The following MYBPC1 variants were observed in gnomAD, a reference collection of about 807,000 sequenced individuals.
MYBPC1 encodes myosin-binding protein C, slow-type.
In MYBPC1, 52 loss-of-function variants were observed where a neutral mutation model predicts 147.1. The observed-to-expected ratio is 0.35, with a 90% CI of 0.28 to 0.45. The LOEUF (loss-of-function observed/expected upper bound fraction) is 0.45, where lower values mean the gene tolerates loss of function less well. MYBPC1 is among the 20% of genes least tolerant of loss of function. The pLI, the probability that MYBPC1 is intolerant of heterozygous loss-of-function variation, is 1.00. For synonymous variants in MYBPC1, 477 were observed against 475.9 expected, an observed-to-expected ratio of 1.00 and a Z score of -0.03; for missense variants, 1,228 against 1,440.3, an observed-to-expected ratio of 0.85 and a Z score of 2.39.
intron 3 of MYBPC1, among the ~76,000 whole-genome samples, chr12:101,621,651 G>T (rs1565908216): frequency 6.6e-6 from 1 of 151,924 alleles, no homozygotes; most frequent in Admixed American, 6.6e-5. Context: ...ATAAGCTTTT[G>T]GTCTTTATTA....
Position 101,664,855 on chromosome 12 carries a change from A to G in MYBPC1, c.2356+1295A>G, listed in dbSNP as rs187550192. 2.8e-3 allele frequency among the ~76,000 whole-genome samples: 427 copies of G among 152,300 alleles called. 1 individual carries two copies. The highest frequency in any genetic ancestry group is 6.8e-3 in the Middle Eastern group (2 of 294). On this transcript the variant is annotated intron_variant, in intron 22 of 31. Transcript: ENST00000361466. Reference sequence around the variant, plus strand: ...GGAAGGGGATAGTGTCACTAATGCAACAAGTAAATTCTTGAGCACTTCAGT... The same window carrying G: ...GGAAGGGGATAGTGTCACTAATGCAGCAAGTAAATTCTTGAGCACTTCAGT...
chr12:101,671,682 C>T (rs1168103929), intron 24 of MYBPC1, among the ~76,000 whole-genome samples: 2 of 152,174 alleles, frequency 1.3e-5, no homozygotes, highest in African/African-American at 4.8e-5. Flanking sequence ...GCTGAGTCAG[C>T]CCTCAAGCCT....
chr12:101,666,495 T>G, intron 22 of MYBPC1: 1 of 463,350 alleles, frequency 2.2e-6, no homozygotes, highest in Non-Finnish European at 4.0e-6. Context: ...CTCTTCTCTA[T>G]TCTTTTCTTT....
At chr12:101,611,786 TA>T (rs1257909778) in intron 1 of MYBPC1, among the ~76,000 whole-genome samples, 1 of 152,150 alleles carries the variant, frequency 6.6e-6, no homozygotes, top group African/African-American at 2.4e-5. Context: ...CAGAATAGAA[TA>T]ATCAGCTCTG....
chr12:101,644,457 T>C (rs1032256201), intron 11 of MYBPC1, among the ~76,000 whole-genome samples: 2 of 152,232 alleles, frequency 1.3e-5, no homozygotes, highest in Non-Finnish European at 2.9e-5. Flanking sequence ...TAGAAACATG[T>C]GGATTCTCTT....
chr12:101,650,269 G>C (rs1050653360), intron 15 of MYBPC1, among the ~76,000 whole-genome samples: 4 of 152,188 alleles, frequency 2.6e-5, no homozygotes, highest in Non-Finnish European at 5.9e-5. Context: ...GTTTGTAGGG[G>C]AAATGGGATT....
chr12:101,675,227 A>T, intron 25 of MYBPC1, 65 bp from the exon 26 acceptor site: 1 of 1,599,816 alleles, frequency 6.3e-7, no homozygotes, highest in Non-Finnish European at 8.6e-7. Context: ...AAATATCCTC[A>T]TGAAACAAAA....
Position 101,634,558 on chromosome 12 carries a change from T to C in MYBPC1, c.561T>C (p.Ser187=). ...TTGTTTTCTTTCCTTTCAAAGAATC[T>C]ACTGGGACTACTCCAAACATTGACA... is the stretch of plus-strand genomic sequence containing the variant. ...SCSFDLEVHE[S]TGTTPNIDIR... The change falls in exon 9 of 32, where the codon TCT becomes TCC. Residue 187 remains serine (S), a synonymous_variant. Coordinates refer to ENST00000361466, the MANE Select transcript of MYBPC1 (RefSeq NM_002465.4). The C allele has an allele frequency of 3.7e-6, 6 of 1,612,546 alleles. No homozygotes were observed. The highest frequency in any genetic ancestry group is 5.1e-6 in the Non-Finnish European group (6 of 1,178,604).
intron 15 of MYBPC1, chr12:101,650,982 AT>A: frequency 4.1e-6 from 2 of 484,506 alleles, no homozygotes; most frequent in Non-Finnish European, 7.5e-6. Flanking sequence ...GAGTCTGCAG[AT>A]TTTGTGCATT....
Position 101,651,927 on chromosome 12 carries a change from C to T in MYBPC1, c.1526+534C>T, listed in dbSNP as rs973346651. Among the ~76,000 whole-genome samples, 5 of 152,184 alleles carry T rather than the reference C, an allele frequency of 3.3e-5. No homozygotes were observed. In the East Asian group the frequency reaches 5.8e-4, roughly 18 times the overall value. ...TCAGCCTGGGAAACAGAATGAGAGA[C>T]CTTGTCTCTAAAATAAATAATAAAC... On this transcript the variant is annotated intron_variant, in intron 16 of 31. Transcript: ENST00000361466.
intron 22 of MYBPC1, among the ~76,000 whole-genome samples, chr12:101,667,387 G>A (rs1408837632): frequency 6.6e-6 from 1 of 152,120 alleles, no homozygotes; most frequent in Admixed American, 6.6e-5. Context: ...TATCATGATT[G>A]CATGAATCAT....
At chr12:101,623,366 C>A (rs981824643) in intron 3 of MYBPC1, among the ~76,000 whole-genome samples, 5 of 152,108 alleles carry the variant, frequency 3.3e-5, no homozygotes, top group African/African-American at 1.2e-4. Flanking sequence ...ACCCAGACTG[C>A]CATCATTACA....
chr12:101,681,453 A>G (rs1007642183), intron 29 of MYBPC1, among the ~76,000 whole-genome samples: 3 of 149,536 alleles, frequency 2.0e-5, no homozygotes, highest in African/African-American at 4.9e-5. Flanking sequence ...TATTTTAGAA[A>G]ATCATAGTAA....
chr12:101,673,721 T>G, intron 25 of MYBPC1, 99 bp downstream of exon 25: 1 of 1,323,286 alleles, frequency 7.6e-7, no homozygotes, highest in Non-Finnish European at 1.1e-6. Context: ...TTAGGCTGGC[T>G]CTACATAAAA....
intron 6 of MYBPC1, 141 bp from the exon 7 acceptor site, chr12:101,631,430 C>A: frequency 1.0e-6 from 1 of 978,996 alleles, no homozygotes; most frequent in East Asian, 2.5e-5. Flanking sequence ...ATAAAAAAAT[C>A]AGGACGAATT....
At chr12:101,683,161 G>A (rs1222198890) in intron 30 of MYBPC1, among the ~76,000 whole-genome samples, 2 of 152,094 alleles carry the variant, frequency 1.3e-5, no homozygotes, top group African/African-American at 4.8e-5. Context: ...TGGGCGTGAT[G>A]GTTCTCGCCT....
chr12:101,656,163 C>G (rs1895503270), intron 18 of MYBPC1, among the ~76,000 whole-genome samples: 2 of 151,608 alleles, frequency 1.3e-5, no homozygotes, highest in Admixed American at 6.6e-5. Context: ...AGGGAAACCA[C>G]TTTAAAAAGT....
At chr12:101,686,521 T>C (rs148825163), downstream of MYBPC1, among the ~76,000 whole-genome samples, 2 of 152,248 alleles carry the variant, frequency 1.3e-5, no homozygotes, top group African/African-American at 4.8e-5. Flanking sequence ...CTGAGAAACA[T>C]TTATACTAAC....
chr12:101,627,121 G>A (rs183993671), intron 4 of MYBPC1, among the ~76,000 whole-genome samples: 3 of 152,292 alleles, frequency 2.0e-5, no homozygotes, highest in East Asian at 1.9e-4. Context: ...CATTCTTTGA[G>A]AAATAAATAA....
Sources: allele counts gnomAD v4.1 joint callset (sites outside exome capture counted in the v4.1 genomes callset), GRCh38; gene constraint gnomAD v4.1.1; transcripts MANE v1.5; gene names NCBI Gene and HGNC (gene_info 2026-07-23, HGNC 2026-07-21).